The following SKI variants were observed in gnomAD, a reference collection of about 807,000 sequenced individuals.
SKI encodes ski oncogene.
In SKI, 23 loss-of-function variants were observed where a neutral mutation model predicts 59.3. The ratio of observed to expected loss-of-function variants is 0.39; its 90% CI spans 0.28 to 0.55. The LOEUF (loss-of-function observed/expected upper bound fraction) is 0.55. Ranked by LOEUF, SKI falls within the 20% of genes least tolerant of loss-of-function variation. The pLI is 0.67. For synonymous variants in SKI, 673 were observed against 488.6 expected (o/e 1.38, Z -4.98); for missense variants, 1,017 against 1,038.9 (o/e 0.98, Z 0.29).
At chr1:2,277,496 G>A (rs1306201510) in intron 1 of SKI, among the ~76,000 whole-genome samples, 6 of 152,072 alleles carry the variant, frequency 3.9e-5, no homozygotes, top group South Asian at 2.1e-4. Context: ...TTCTCTTGCC[G>A]CTGCCATGTA....
At chr1:2,230,968 T>C (rs1638623137) in intron 1 of SKI, among the ~76,000 whole-genome samples, 1 of 151,986 alleles carries the variant, frequency 6.6e-6, no homozygotes, top group South Asian at 2.1e-4. Flanking sequence ...GGTGCATGTG[T>C]GTGTGCATGT....
chr1:2,249,131 A>T (rs920979829), intron 1 of SKI, among the ~76,000 whole-genome samples: 1 of 152,126 alleles, frequency 6.6e-6, no homozygotes, highest in African/African-American at 2.4e-5. Context: ...TGCCACCCTG[A>T]TGGTCGGCTC....
At chr1:2,234,021 G>C (rs907276415) in intron 1 of SKI, among the ~76,000 whole-genome samples, 1 of 152,176 alleles carries the variant, frequency 6.6e-6, no homozygotes, top group African/African-American at 2.4e-5. Context: ...CCAGCTTTTC[G>C]TGGGGTTCCC....
intron 1 of SKI, among the ~76,000 whole-genome samples, chr1:2,302,732 G>A (rs1269878950): frequency 1.3e-5 from 2 of 152,218 alleles, no homozygotes; most frequent in Non-Finnish European, 2.9e-5. Flanking sequence ...GGTCCACTCT[G>A]TTCTCTCGGA....
chr1:2,231,118 G>T (rs915294180), intron 1 of SKI, among the ~76,000 whole-genome samples: 8 of 152,170 alleles, frequency 5.3e-5, no homozygotes, highest in Non-Finnish European at 1.2e-4. Flanking sequence ...CGTGTCACAC[G>T]GGGAGTTGGT....
At chr1:2,280,334 C>T (rs919919205) in intron 1 of SKI, among the ~76,000 whole-genome samples, 1 of 151,744 alleles carries the variant, frequency 6.6e-6, no homozygotes, top group Admixed American at 6.6e-5. Context: ...TGAGATGGCA[C>T]CACTGCACTC....
chr1:2,229,102 C>T lies in SKI; in HGVS notation c.336C>T (p.Cys112=), dbSNP rs752031916. The change falls in exon 1 of 7, where the codon TGC becomes TGT. Residue 112 remains cysteine (C), a synonymous_variant. Coordinates refer to ENST00000378536, the MANE Select transcript of SKI (RefSeq NM_003036.4). This position sits in a 1 kb window ranked among gnomAD's most constrained non-coding sequence, Gnocchi z 6.3. ...ETVLEGETIS[C]FVVGGEKRLC... is the part of the protein sequence containing the mutation. ...TACTGGAAGGCGAGACCATCTCGTG[C>T]TTCGTGGTGGGAGGCGAGAAGCGCC... 20 of 1,609,938 alleles carry T rather than the reference C, an allele frequency of 1.2e-5. No individual in the cohort carries two copies. The South Asian group carries it at 2.0e-4, about 16-fold the overall frequency.
chr1:2,246,859 G>GC (rs1491194523), intron 1 of SKI, among the ~76,000 whole-genome samples: 1 of 151,850 alleles, frequency 6.6e-6, no homozygotes. Flanking sequence ...CTGATGGGGG[G>GC]GGCCTCAGGA....
chr1:2,239,652 G>A (rs1037916682), intron 1 of SKI, among the ~76,000 whole-genome samples: 14 of 152,276 alleles, frequency 9.2e-5, no homozygotes, highest in Admixed American at 9.2e-4. Context: ...CCCTGGTGAT[G>A]CTGGTGGATG....
rs1311617059 is a variant in SKI at position 2,268,576 on chromosome 1, C to G, written c.970-34402C>G. Among the ~76,000 whole-genome samples, 3 of 152,244 alleles carry G rather than the reference C, an allele frequency of 2.0e-5. No homozygotes were observed. Among genetic ancestry groups the G allele is most frequent in the Non-Finnish European group, 2.9e-5 (2 of 68,038 alleles). ...GCAGCCATGGCCCATTTGGCTGGTG[C>G]TGAGACAAGGTGAATTTTCTTGGCT... On this transcript the variant is annotated intron_variant, in intron 1 of 6. Transcript: ENST00000378536. This position sits in a 1 kb window ranked among gnomAD's most constrained non-coding sequence, Gnocchi z 5.0.
At chr1:2,234,059 A>C (rs1249679386) in intron 1 of SKI, among the ~76,000 whole-genome samples, 2 of 152,208 alleles carry the variant, frequency 1.3e-5, no homozygotes, top group Non-Finnish European at 2.9e-5. Flanking sequence ...CTCTGGGGTC[A>C]GGCTCCCGGC....
intron 1 of SKI, among the ~76,000 whole-genome samples, chr1:2,264,248 A>G (rs147227677): frequency 6.6e-6 from 1 of 152,038 alleles, no homozygotes; most frequent in South Asian, 2.1e-4. Context: ...AAAAAGTTTC[A>G]ATTTTTTTTG....
chr1:2,261,679 T>C (rs1029583722), intron 1 of SKI, among the ~76,000 whole-genome samples: 2 of 152,276 alleles, frequency 1.3e-5, no homozygotes, highest in African/African-American at 2.4e-5. Context: ...GATCATGTCG[T>C]CTGCAGTAAA....
chr1:2,303,303 C>T lies in SKI; in HGVS notation c.1114C>T (p.Pro372Ser). 2 of 1,613,744 alleles carry T rather than the reference C, an allele frequency of 1.2e-6. No homozygotes were observed. The highest frequency in any genetic ancestry group is 1.7e-6 in the Non-Finnish European group (2 of 1,180,018). Residue 372 changes from proline to serine, a missense_variant, in exon 3 of 7, where the codon CCT becomes TCT. Coordinates refer to ENST00000378536, the MANE Select transcript of SKI (RefSeq NM_003036.4). This position sits in a 1 kb window ranked among gnomAD's most constrained non-coding sequence, Gnocchi z 5.6. ...TCGACAGAGCCTGGGCTGTGTTCAC[C>T]CTCGCCAGCGCCTCTCTGCTTTCCG... ...SSNKSLGCVHPRQRLSAFRPW... is the reference protein window; with the variant it reads ...SSNKSLGCVHSRQRLSAFRPW...
intron 1 of SKI, among the ~76,000 whole-genome samples, chr1:2,296,231 A>C (rs138171755): frequency 5.3e-4 from 80 of 152,088 alleles, no homozygotes; most frequent in African/African-American, 1.9e-3. Context: ...AAAACAAAAA[A>C]AAAAAAACAA....
At chr1:2,236,008 G>A (rs1638743189) in intron 1 of SKI, among the ~76,000 whole-genome samples, 1 of 152,228 alleles carries the variant, frequency 6.6e-6, no homozygotes, top group Non-Finnish European at 1.5e-5. Flanking sequence ...GATTCTGTTC[G>A]GTGCTTGGTG....
At chr1:2,306,332 G>C (rs1015449045) in intron 6 of SKI, 82 bp downstream of exon 6, 40 of 1,310,232 alleles carry the variant, frequency 3.1e-5, no homozygotes, top group Non-Finnish European at 2.0e-5. Flanking sequence ...CTGCCCAGCC[G>C]GAAAGGCCTT....
chr1:2,265,645 G>C (rs1639487165), intron 1 of SKI, among the ~76,000 whole-genome samples: 1 of 152,120 alleles, frequency 6.6e-6, no homozygotes, highest in Admixed American at 6.6e-5. Flanking sequence ...TTTGAAATGT[G>C]CCTGTTTGGG....
intron 1 of SKI, among the ~76,000 whole-genome samples, chr1:2,298,172 C>T (rs1255156911): frequency 6.6e-6 from 1 of 152,198 alleles, no homozygotes; most frequent in Non-Finnish European, 1.5e-5. Flanking sequence ...TCACAAAGGC[C>T]TCAATGTCTG....
Sources: gnomAD v4.1 joint callset for allele counts (sites outside exome capture counted in the v4.1 genomes callset) on GRCh38, gnomAD v4.1.1 for gene constraint, Gnocchi (gnomAD v3.1) non-coding constraint, MANE v1.5 for transcripts, NCBI Gene and HGNC (gene_info 2026-07-23, HGNC 2026-07-21) for gene names.